PTPN12: variants seen among roughly 807,000 people sequenced by gnomAD.
The protein encoded by PTPN12 is tyrosine-protein phosphatase non-receptor type 12.
Under a neutral mutation model 97.6 loss-of-function variants are expected in PTPN12, and 29 were observed. That is an observed-to-expected ratio of 0.30 (90% confidence interval 0.22 to 0.41). The LOEUF (loss-of-function observed/expected upper bound fraction) is 0.41. Ranked by LOEUF, PTPN12 falls within the 10% of genes least tolerant of loss-of-function variation. The pLI is 1.00. For missense variants in PTPN12, 819 were observed against 926.0 expected (o/e 0.88, Z 1.50); for synonymous variants, 327 against 300.4 (o/e 1.09, Z -0.91).
chr7:77,553,534 A>T (rs4729528), intron 1 of PTPN12, among the ~76,000 whole-genome samples: 62,981 of 152,066 alleles, frequency 0.41, 14,357 homozygotes, highest in East Asian at 0.74. Context: ...CTTTATCATG[A>T]TGTAAAGCCA....
chr7:77,549,348 C>G (rs1434301261), intron 1 of PTPN12, among the ~76,000 whole-genome samples: 1 of 152,100 alleles, frequency 6.6e-6, no homozygotes, highest in Non-Finnish European at 1.5e-5. Flanking sequence ...CACAAAGAGT[C>G]CTTGTGACTT....
chr7:77,568,991 T>G (rs1584121509), intron 1 of PTPN12, among the ~76,000 whole-genome samples: 1 of 152,208 alleles, frequency 6.6e-6, no homozygotes, highest in East Asian at 1.9e-4. Context: ...TTTGTTAATA[T>G]GGAGTAACGA....
At chr7:77,623,420 T>G (rs1789015778) in intron 12 of PTPN12, among the ~76,000 whole-genome samples, 1 of 152,218 alleles carries the variant, frequency 6.6e-6, no homozygotes, top group Non-Finnish European at 1.5e-5. Context: ...TGTAAAATAC[T>G]GGTCATGAGG....
chr7:77,580,964 A>G (rs1224144965), intron 2 of PTPN12, among the ~76,000 whole-genome samples: 1 of 152,236 alleles, frequency 6.6e-6, no homozygotes, highest in Non-Finnish European at 1.5e-5. Flanking sequence ...CTGGAATTTG[A>G]ATTTTAAAAG....
intron 12 of PTPN12, among the ~76,000 whole-genome samples, chr7:77,621,315 C>T (rs1418421735): frequency 1.3e-5 from 2 of 152,032 alleles, no homozygotes; most frequent in East Asian, 3.9e-4. Flanking sequence ...CCTGAAGAAC[C>T]TGCCTGAAGC....
Position 77,627,210 on chromosome 7 carries a change from C to T in PTPN12, c.1531C>T (p.Pro511Ser). Residue 511 changes from proline (P) to serine (S), a missense_variant, in exon 13 of 18, where the codon CCA becomes TCA. By Grantham distance (74) the Pro-to-Ser change is moderately conservative. Coordinates refer to ENST00000248594, the MANE Select transcript of PTPN12 (RefSeq NM_002835.4). ...TQSNKVSVTP[P>S]EESQNSDTPP... ...ATCAAACAAAGTTTCAGTTACTCCA[C>T]CAGAAGAATCCCAGAATTCAGACAC... 1.2e-6 allele frequency: 2 copies of T among 1,614,078 alleles called. No individual in the cohort carries two copies. Among genetic ancestry groups the T allele is most frequent in the South Asian group, 1.1e-5 (1 of 91,072 alleles).
chr7:77,624,585 G>A (rs908599354), intron 12 of PTPN12, among the ~76,000 whole-genome samples: 1 of 151,798 alleles, frequency 6.6e-6, no homozygotes, highest in Non-Finnish European at 1.5e-5. Flanking sequence ...GATTACAGGC[G>A]CACGCTACCA....
rs760542114 is a variant in PTPN12 at position 77,627,529 on chromosome 7, T to G, written c.1850T>G (p.Val617Gly). 10 of 1,614,168 alleles carry G rather than the reference T, an allele frequency of 6.2e-6. No homozygotes were observed. The highest frequency in any genetic ancestry group is 8.5e-6 in the Non-Finnish European group (10 of 1,180,014). ...DSDERNSDGA[V>G]TQNKTNISTA... The stretch of plus-strand genomic sequence containing the variant: ...GATGAAAGAAACTCTGATGGTGCTG[T>G]GACCCAGAATAAAACTAATATTTCA... Residue 617 changes from valine (V) to glycine (G), a missense_variant, in exon 13 of 18, where the codon GTG (valine) becomes GGG (glycine). Val to Gly is a moderately radical substitution (Grantham distance 109, BLOSUM62 -3). Around this residue, in one of 5 missense-constraint regions of PTPN12, gnomAD observed 607 missense variants for 577.3 expected, o/e 1.05. Coordinates refer to ENST00000248594, the MANE Select transcript of PTPN12 (RefSeq NM_002835.4).
chr7:77,583,745 A>G, intron 4 of PTPN12, 95 bp downstream of exon 4: 1 of 734,312 alleles, frequency 1.4e-6, no homozygotes, highest in Non-Finnish European at 2.1e-6. Context: ...TTTTTAAAAA[A>G]TCCATAATTA....
chr7:77,563,621 A>C (rs1808093730), intron 1 of PTPN12, among the ~76,000 whole-genome samples: 1 of 152,198 alleles, frequency 6.6e-6, no homozygotes, highest in Admixed American at 6.5e-5. Context: ...AAAGCACAGA[A>C]TCATTTTATT....
chr7:77,637,851 CCGT>C (rs1301155610), intron 16 of PTPN12, among the ~76,000 whole-genome samples: 2 of 99,774 alleles, frequency 2.0e-5, no homozygotes, highest in Non-Finnish European at 3.6e-5. Context: ...GAGGGAAACT[CCGT>C]CTCAAAAAAA....
intron 16 of PTPN12, 45 bp downstream of exon 16, chr7:77,637,093 T>C: frequency 6.9e-7 from 1 of 1,446,154 alleles, no homozygotes; most frequent in South Asian, 1.2e-5. Flanking sequence ...TAGATTTTAT[T>C]GATTAATTTC....
chr7:77,581,541 T>G (rs1787516132), intron 3 of PTPN12, 38 bp downstream of exon 3: 6 of 1,316,154 alleles, frequency 4.6e-6, no homozygotes, highest in Admixed American at 2.1e-5. Context: ...TCTGCCATAT[T>G]AATGTCTTTC....
intron 12 of PTPN12, among the ~76,000 whole-genome samples, chr7:77,621,242 C>T (rs550109861): frequency 4.6e-5 from 7 of 152,134 alleles, no homozygotes; most frequent in South Asian, 4.1e-4. Context: ...TGGAAGGTAT[C>T]GGGCAGAAAC....
intron 3 of PTPN12, 123 bp from the exon 4 acceptor site, chr7:77,583,432 A>G (rs1455551875): frequency 3.1e-6 from 2 of 642,874 alleles, no homozygotes; most frequent in Non-Finnish European, 5.4e-6. Flanking sequence ...AAGACACATT[A>G]TTTGGAAATG....
Position 77,626,904 on chromosome 7 carries a change from T to G in PTPN12, c.1225T>G (p.Tyr409Asp), listed in dbSNP as rs151255166. ...ACATTCAGCAGACCTCAACAGAAAC[T>G]ATAGTAAATCAACAGAACTTCCAGG... ...EQHSADLNRN[Y>D]SKSTELPGKN... The change falls in exon 13 of 18, where the codon TAT (tyrosine) becomes GAT (aspartate). Residue 409 changes from tyrosine (Y) to aspartate (D), a missense_variant. This residue lies in a region of PTPN12 where 607 missense variants were observed against 577.3 expected (regional missense o/e 1.05). Coordinates refer to ENST00000248594, the MANE Select transcript of PTPN12 (RefSeq NM_002835.4). The G allele has an allele frequency of 2.7e-5, 44 of 1,610,406 alleles. No individual in the cohort carries two copies. Among genetic ancestry groups the G allele is most frequent in the Non-Finnish European group, 3.7e-5 (44 of 1,178,478 alleles).
rs576216122 is a variant in PTPN12, at chr7:77,613,167, G to GTTTTTTTT, written c.939+2139_939+2146dup. On this transcript the variant is annotated intron_variant, in intron 11 of 17. Transcript: ENST00000248594. ...ATAAACAGTTTTCTTTAATTTTTGG[G>GTTTTTTTT]TTTTTTTTTTTTTTTTTTTTTTTTT... is the stretch of plus-strand genomic sequence containing the variant. Among the ~76,000 whole-genome samples the GTTTTTTTT allele has an allele frequency of 2.0e-4, 18 of 88,558 alleles. 1 individual carries two copies. The highest frequency in any genetic ancestry group is 3.0e-4 in the Non-Finnish European group (15 of 50,468). The allele number at this position is 88,558 out of a possible 152,430, so 58.1% of individuals were successfully genotyped here.
At chr7:77,552,361 C>G (rs1326574494) in intron 1 of PTPN12, among the ~76,000 whole-genome samples, 5 of 151,534 alleles carry the variant, frequency 3.3e-5, no homozygotes, top group Non-Finnish European at 7.4e-5. Context: ...TTAACCAATA[C>G]ATTTAATTTC....
intron 1 of PTPN12, among the ~76,000 whole-genome samples, chr7:77,558,032 G>A (rs540179839): frequency 2.6e-5 from 4 of 151,786 alleles, no homozygotes; most frequent in East Asian, 1.9e-4. Flanking sequence ...CCAACATGGC[G>A]AAACCCCATC....
Sources: allele counts gnomAD v4.1 joint callset (sites outside exome capture counted in the v4.1 genomes callset), GRCh38; gene constraint gnomAD v4.1.1; regional missense constraint gnomAD v4.1.1; transcripts MANE v1.5; gene names NCBI Gene and HGNC (gene_info 2026-07-23, HGNC 2026-07-21).